Variants in SORT1 observed in about 807,000 individuals in gnomAD.
The protein encoded by SORT1 is sortilin 1, also known as sortilin.
In SORT1, 39 loss-of-function variants were observed where a neutral mutation model predicts 101.7. The ratio of observed to expected loss-of-function variants is 0.38; its 90% CI spans 0.30 to 0.50. SORT1 has a LOEUF of 0.50. SORT1 is among the 20% of genes least tolerant of loss of function. The pLI, the probability that SORT1 is intolerant of heterozygous loss-of-function variation, is 0.90. For missense variants in SORT1, 878 were observed against 1,040.4 expected (o/e 0.84, Z 2.15); for synonymous variants, 396 against 393.7 (o/e 1.01, Z -0.07).
chr1:109,353,392 C>T (rs546222084), intron 5 of SORT1, among the ~76,000 whole-genome samples: 1 of 151,946 alleles, frequency 6.6e-6, no homozygotes, highest in Admixed American at 6.6e-5. Context: ...CCTGGTGCCC[C>T]TCAGCCTCAC....
At chr1:109,348,784 C>T (rs1649773314) in intron 6 of SORT1, among the ~76,000 whole-genome samples, 1 of 152,052 alleles carries the variant, frequency 6.6e-6, no homozygotes, top group African/African-American at 2.4e-5. Context: ...TGAGCCACTG[C>T]ACTTGGCTAA....
intron 3 of SORT1, chr1:109,367,183 C>T (rs141407675): frequency 1.2e-4 from 45 of 363,354 alleles, no homozygotes; most frequent in African/African-American, 8.0e-4. Flanking sequence ...GCCAAGATGA[C>T]GCCACTGCAC....
intron 16 of SORT1, among the ~76,000 whole-genome samples, chr1:109,317,598 G>A (rs558778964): frequency 3.9e-5 from 6 of 152,212 alleles, no homozygotes; most frequent in African/African-American, 1.2e-4. Flanking sequence ...GGGAGGCAGG[G>A]GTGCAGGATC....
chr1:109,374,835 T>G (rs893960340), intron 1 of SORT1, among the ~76,000 whole-genome samples: 1 of 152,190 alleles, frequency 6.6e-6, no homozygotes, highest in Non-Finnish European at 1.5e-5. Context: ...GACATACACC[T>G]GTAGTCCCAG....
chr1:109,314,148 G>C, intron 19 of SORT1, 91 bp from the exon 20 acceptor site: 1 of 1,600,194 alleles, frequency 6.2e-7, no homozygotes, highest in East Asian at 2.2e-5. Flanking sequence ...AAATCTTATG[G>C]TCATTAAGTC....
intron 1 of SORT1, among the ~76,000 whole-genome samples, chr1:109,386,404 G>C (rs141112167): frequency 6.6e-6 from 1 of 152,242 alleles, no homozygotes; most frequent in East Asian, 1.9e-4. Context: ...AACTAACAAG[G>C]GCTAGAAGGG....
chr1:109,369,842 T>G (rs1402848694), intron 1 of SORT1, among the ~76,000 whole-genome samples: 3 of 152,108 alleles, frequency 2.0e-5, no homozygotes, highest in African/African-American at 4.8e-5. Context: ...CTGCACCAGA[T>G]GGGGAGATGG....
chr1:109,342,888 C>T lies in SORT1; in HGVS notation c.964-730G>A, dbSNP rs1000616925. On this transcript the variant is annotated intron_variant, in intron 8 of 19. Coordinates refer to ENST00000256637, the MANE Select transcript of SORT1 (RefSeq NM_002959.7). ...TTAGCCTGAGCATGAGAATTAATGT[C>T]GGTGTTTCCTTAGATTAAATACTCT... Among the ~76,000 whole-genome samples the T allele has an allele frequency of 6.6e-5, 10 of 152,114 alleles. 1 individual carries two copies. The highest frequency in any genetic ancestry group is 2.6e-4 in the Admixed American group (4 of 15,264).
chr1:109,388,988 C>T (rs1652743284), intron 1 of SORT1, among the ~76,000 whole-genome samples: 1 of 152,204 alleles, frequency 6.6e-6, no homozygotes, highest in Non-Finnish European at 1.5e-5. Flanking sequence ...CCAATCTTGA[C>T]TCACTTTAAT....
At position 109,372,303 on chromosome 1, in the gene SORT1, C is replaced by T. The variant is rs564517747; in HGVS notation, c.307-2714G>A. On this transcript the variant is annotated intron_variant, in intron 1 of 19. Coordinates refer to ENST00000256637, the MANE Select transcript of SORT1 (RefSeq NM_002959.7). ...TTAATTGTAGCCACAAGAACCTTGC[C>T]TGTCCTCCCCACTAGACCTGAGGTC... 7.2e-5 allele frequency among the ~76,000 whole-genome samples: 11 copies of T among 152,352 alleles called. No individual in the cohort carries two copies. The South Asian group carries it at 2.3e-3, about 32-fold the overall frequency.
chr1:109,388,915 T>C (rs887358196), intron 1 of SORT1, among the ~76,000 whole-genome samples: 1 of 152,162 alleles, frequency 6.6e-6, no homozygotes, highest in Non-Finnish European at 1.5e-5. Context: ...TAACAAAAGT[T>C]TGACATAATC....
intron 3 of SORT1, among the ~76,000 whole-genome samples, chr1:109,361,205 T>G (rs1240055354): frequency 6.6e-6 from 1 of 152,244 alleles, no homozygotes; most frequent in Non-Finnish European, 1.5e-5. Context: ...AAGCTGCAAC[T>G]TCAACATTTT....
chr1:109,381,592 G>A (rs112696302), intron 1 of SORT1, among the ~76,000 whole-genome samples: 75 of 152,178 alleles, frequency 4.9e-4, no homozygotes, highest in African/African-American at 1.6e-3. Flanking sequence ...ATCAGGGGCC[G>A]GGCACAGTGG....
chr1:109,355,981 C>G (rs1650292020), intron 3 of SORT1, among the ~76,000 whole-genome samples: 1 of 152,038 alleles, frequency 6.6e-6, no homozygotes, highest in African/African-American at 2.4e-5. Flanking sequence ...AAGTGATTCT[C>G]CAGCCTCAGC....
rs150676259 is a variant in SORT1 at position 109,320,745 on chromosome 1, C to T, written c.2024+2187G>A. 1.4e-4 allele frequency among the ~76,000 whole-genome samples: 22 copies of T among 152,298 alleles called. No homozygotes were observed. In the East Asian group the frequency reaches 4.0e-3, roughly 28 times the overall value. On this transcript the variant is annotated intron_variant, in intron 15 of 19. Coordinates refer to ENST00000256637, the MANE Select transcript of SORT1 (RefSeq NM_002959.7). Reference sequence around the variant, plus strand: ...AATTTTCCATTATCACTTTTCATTACCTGCGCATAGCTGGTATTCAATGAG... The same window carrying T: ...AATTTTCCATTATCACTTTTCATTATCTGCGCATAGCTGGTATTCAATGAG...
At chr1:109,318,578 G>C (rs1233359992) in intron 15 of SORT1, among the ~76,000 whole-genome samples, 1 of 152,202 alleles carries the variant, frequency 6.6e-6, no homozygotes, top group Admixed American at 6.6e-5. Context: ...GCCTGCAGAG[G>C]GGTGGAGACT....
At chr1:109,351,638 G>A (rs1048637737) in intron 5 of SORT1, among the ~76,000 whole-genome samples, 1 of 152,212 alleles carries the variant, frequency 6.6e-6, no homozygotes, top group African/African-American at 2.4e-5. Flanking sequence ...GGTGAGGCCA[G>A]CTCACAGAGA....
At chr1:109,348,174 C>T (rs1397667535) in intron 6 of SORT1, among the ~76,000 whole-genome samples, 1 of 152,118 alleles carries the variant, frequency 6.6e-6, no homozygotes, top group Non-Finnish European at 1.5e-5. Flanking sequence ...CTCAAATGGA[C>T]AACTAGGTCG....
Position 109,340,584 on chromosome 1 carries a change from A to C in SORT1, c.1264+140T>G, listed in dbSNP as rs1042634680. 5.7e-5 allele frequency: 48 copies of C among 845,986 alleles called. 2 individuals carry two copies. The Admixed American group carries it at 9.0e-4, about 16-fold the overall frequency. 52.4% of individuals were successfully genotyped at this position (845,986 alleles called of 1,614,324 possible). A position where few individuals can be genotyped will look rare whatever the true frequency, so the allele number is the denominator to read the frequency against. On this transcript the variant is annotated intron_variant, in intron 10 of 19. Coordinates refer to ENST00000256637, the MANE Select transcript of SORT1 (RefSeq NM_002959.7). The stretch of plus-strand genomic sequence containing the variant: ...TTAGACATATTGCCACAATAAAAAA[A>C]AAAAAGGAAACAAAAAAATGTACAT...
Sources: allele counts gnomAD v4.1 joint callset (sites outside exome capture counted in the v4.1 genomes callset), GRCh38; gene constraint gnomAD v4.1.1; transcripts MANE v1.5; gene names NCBI Gene and HGNC (gene_info 2026-07-23, HGNC 2026-07-21).